NRXN1: variants seen among roughly 807,000 people sequenced by gnomAD.
NRXN1 encodes neurexin 1.
A neutral mutation model predicts 150.9 loss-of-function variants in NRXN1; 39 were observed. The ratio of observed to expected loss-of-function variants is 0.26; its 90% CI spans 0.20 to 0.34. The LOEUF is 0.34. Ranked by LOEUF, NRXN1 falls within the 10% of genes least tolerant of loss-of-function variation. The pLI is 1.00. For missense variants in NRXN1, 1,815 were observed against 1,949.9 expected (o/e 0.93, Z 1.30); for synonymous variants, 924 against 757.0 (o/e 1.22, Z -3.62).
intron 5 of NRXN1, among the ~76,000 whole-genome samples, chr2:50,754,899 CAA>C (rs1263481517): frequency 6.6e-6 from 1 of 151,814 alleles, no homozygotes; most frequent in Admixed American, 6.6e-5. Flanking sequence ...TTATTGAACA[CAA>C]GACATTTTTA....
chr2:50,542,505 T>C (rs2093414038), intron 9 of NRXN1, among the ~76,000 whole-genome samples: 1 of 152,082 alleles, frequency 6.6e-6, no homozygotes, highest in Non-Finnish European at 1.5e-5. Context: ...ATGAAGAAAA[T>C]AGGGCTGAAA....
At chr2:50,354,421 T>C (rs2078637486) in intron 17 of NRXN1, among the ~76,000 whole-genome samples, 1 of 151,588 alleles carries the variant, frequency 6.6e-6, no homozygotes, top group South Asian at 2.1e-4. Flanking sequence ...TTCCCATCTG[T>C]AAAAAAGGTT....
At chr2:50,677,076 T>C (rs1689653111) in intron 5 of NRXN1, among the ~76,000 whole-genome samples, 3 of 152,168 alleles carry the variant, frequency 2.0e-5, no homozygotes, top group Admixed American at 6.6e-5. Flanking sequence ...GTATGAACTA[T>C]ATAAGCCACA....
intron 18 of NRXN1, among the ~76,000 whole-genome samples, chr2:50,120,227 T>TA (rs1304105951): frequency 6.6e-6 from 1 of 152,062 alleles, no homozygotes; most frequent in Non-Finnish European, 1.5e-5. Context: ...AATATAAAAT[T>TA]AAAATTTTAA....
intron 15 of NRXN1, among the ~76,000 whole-genome samples, chr2:50,480,048 C>G (rs920187647): frequency 1.3e-5 from 2 of 152,196 alleles, no homozygotes; most frequent in Non-Finnish European, 2.9e-5. Flanking sequence ...GCTGGGATTA[C>G]AGGCGTAAGC....
chr2:50,956,986 C>G (rs1692387477), intron 2 of NRXN1, among the ~76,000 whole-genome samples: 1 of 151,962 alleles, frequency 6.6e-6, no homozygotes, highest in South Asian at 2.1e-4. Context: ...ACAATAGTAT[C>G]CATTAATATG....
chr2:49,938,147 T>A (rs1016145006), intron 22 of NRXN1, among the ~76,000 whole-genome samples: 2 of 152,184 alleles, frequency 1.3e-5, no homozygotes, highest in African/African-American at 4.8e-5. Context: ...GCCTGAATTT[T>A]AGAGGAAAAA....
In NRXN1 at chr2:50,383,094, A is replaced by T. The variant is rs186390194; in HGVS notation, c.3364+82348T>A. Among the ~76,000 whole-genome samples, 14 of 152,254 alleles carry T rather than the reference A, an allele frequency of 9.2e-5. No individual in the cohort carries two copies. In the East Asian group the frequency reaches 1.9e-3, roughly 21 times the overall value. ...ATTTTCCTTATGATCTGATTCTTTC[A>T]GGGCCAATCAGGTTGTGCAGAATGA... is the stretch of plus-strand genomic sequence containing the variant. On this transcript the variant is annotated intron_variant, in intron 17 of 22. Coordinates refer to ENST00000401669, the MANE Select transcript of NRXN1 (RefSeq NM_001330078.2).
intron 21 of NRXN1, among the ~76,000 whole-genome samples, chr2:49,954,704 C>T (rs890848679): frequency 1.2e-4 from 18 of 152,218 alleles, no homozygotes; most frequent in South Asian, 4.1e-4. Context: ...GTCTTCTATA[C>T]GGATTAATAA....
intron 17 of NRXN1, among the ~76,000 whole-genome samples, chr2:50,351,261 T>C (rs2078391538): frequency 6.6e-6 from 1 of 152,178 alleles, no homozygotes; most frequent in African/African-American, 2.4e-5. Context: ...GCACAGACAG[T>C]GCGATGTAAG....
intron 2 of NRXN1, among the ~76,000 whole-genome samples, chr2:50,976,666 A>C (rs944716147): frequency 1.3e-5 from 2 of 151,978 alleles, no homozygotes; most frequent in African/African-American, 4.8e-5. Flanking sequence ...AGACAGAAGT[A>C]CTCGGGAACT....
intron 21 of NRXN1, among the ~76,000 whole-genome samples, chr2:49,977,266 A>G (rs1384178452): frequency 6.6e-6 from 1 of 151,900 alleles, no homozygotes; most frequent in Non-Finnish European, 1.5e-5. Flanking sequence ...TCGGATGGTG[A>G]TTTTGCTCCA....
intron 5 of NRXN1, among the ~76,000 whole-genome samples, chr2:50,904,864 T>C (rs1252337870): frequency 1.3e-5 from 2 of 152,244 alleles, no homozygotes; most frequent in African/African-American, 2.4e-5. Context: ...AATGTTATTC[T>C]CCCACAGGCA....
At chr2:50,131,619 A>G (rs1705506791) in intron 18 of NRXN1, among the ~76,000 whole-genome samples, 1 of 152,222 alleles carries the variant, frequency 6.6e-6, no homozygotes, top group Admixed American at 6.5e-5. Context: ...TGCCACTTAA[A>G]GTGCAGAGCA....
Position 50,890,566 on chromosome 2 carries a change from C to T in NRXN1, c.832+31303G>A, listed in dbSNP as rs148985906. 3.3e-5 allele frequency among the ~76,000 whole-genome samples: 5 copies of T among 151,812 alleles called. No individual in the cohort carries two copies. In the East Asian group the frequency reaches 9.7e-4, roughly 30 times the overall value. On this transcript the variant is annotated intron_variant, in intron 5 of 22. Transcript: ENST00000401669. ...AGCTACTCTTTAATGGTATTTAACA[C>T]TCACCCATATTTCAAAGTTCAGATC... is the stretch of plus-strand genomic sequence containing the variant.
chr2:51,001,372 C>T lies in NRXN1; in HGVS notation c.772+26130G>A, dbSNP rs77330554. 7.3e-3 allele frequency among the ~76,000 whole-genome samples: 1,104 copies of T among 151,854 alleles called. 5 individuals carry two copies. The highest frequency in any genetic ancestry group is 0.012 in the Non-Finnish European group (803 of 67,932). ...TACTCAGAACATCAGTTTGTTGGTGCCTTTCCAAAACAGCAATTTGATAAA... is the reference window on the plus strand; with the variant it reads ...TACTCAGAACATCAGTTTGTTGGTGTCTTTCCAAAACAGCAATTTGATAAA... On this transcript the variant is annotated intron_variant, in intron 2 of 22. Coordinates refer to ENST00000401669, the MANE Select transcript of NRXN1 (RefSeq NM_001330078.2).
intron 5 of NRXN1, among the ~76,000 whole-genome samples, chr2:50,689,864 G>GTT (rs71649160): frequency 1.4e-5 from 2 of 142,692 alleles, no homozygotes; most frequent in Non-Finnish European, 1.5e-5. Flanking sequence ...TTGTGTGTGT[G>GTT]TGTGTGTGTG....
chr2:50,603,841 C>T (rs1676670624), intron 8 of NRXN1, among the ~76,000 whole-genome samples: 1 of 152,122 alleles, frequency 6.6e-6, no homozygotes, highest in South Asian at 2.1e-4. Flanking sequence ...GACTGGTCAA[C>T]CTTGATCACT....
chr2:49,920,171 A>G lies in NRXN1; in HGVS notation c.*1773T>C, dbSNP rs1667945869. 1 of 152,204 alleles carries G rather than the reference A, an allele frequency of 6.6e-6. No homozygotes were observed. Among genetic ancestry groups the G allele is most frequent in the East Asian group, 1.9e-4 (1 of 5,202 alleles). The allele number at this position is 152,204 out of a possible 1,614,324, so 9.4% of individuals were successfully genotyped here. A position where few individuals can be genotyped will look rare whatever the true frequency, so the allele number is the denominator to read the frequency against. ...ACTTTTCCACTACTTAATGTGTTAA[A>G]CTAAAACTATATTTAATGATATATA... is the stretch of plus-strand genomic sequence containing the variant. On this transcript the variant is annotated 3_prime_UTR_variant, in exon 23 of 23. Transcript: ENST00000401669.
Sources: allele counts gnomAD v4.1 joint callset (sites outside exome capture counted in the v4.1 genomes callset), GRCh38; gene constraint gnomAD v4.1.1; transcripts MANE v1.5; gene names NCBI Gene and HGNC (gene_info 2026-07-23, HGNC 2026-07-21).